Variants in CA5B observed in about 807,000 individuals in gnomAD.
The protein encoded by CA5B is carbonic anhydrase 5B.
A neutral mutation model predicts 23.1 loss-of-function variants in CA5B; 15 were observed. The observed-to-expected ratio is 0.65, with a 90% confidence interval of 0.43 to 1.00. CA5B has a LOEUF of 1.00. CA5B is among the 50% of genes least tolerant of loss of function. The pLI, the probability that CA5B is intolerant of heterozygous loss-of-function variation, is 0.00. For missense variants in CA5B, 236 were observed against 252.2 expected (o/e 0.94, Z 0.43); for synonymous variants, 84 against 98.5 (o/e 0.85, Z 0.87).
In CA5B at chrX:15,766,908, C is replaced by G. The variant is rs1356038; in HGVS notation, c.340+2133C>G. On this transcript the variant is annotated intron_variant, in intron 3 of 7. Transcript: ENST00000318636. ...CATCTTTCTTAATTTCCCCAAAACT[C>G]TAGAGTGTGCCCCCTTCTCAACTGG... The G allele has an allele frequency of 9.1e-6, 3 of 331,290 alleles. No homozygotes were observed. The Admixed American group carries it at 9.4e-5, about 10-fold the overall frequency. 27.3% of individuals were successfully genotyped at this position (331,290 alleles called of 1,213,427 possible).
rs760346701 is a variant in CA5B at position 15,772,582 on chromosome X, C to A, written c.427C>A (p.His143Asn). Reference protein sequence around the residue: ...WGAIDAWGSEHTVDSKCFPAE... With the variant: ...WGAIDAWGSENTVDSKCFPAE... Reference sequence around the variant, plus strand: ...GGCCATCGATGCCTGGGGTTCTGAGCACACCGTGGACAGCAAATGCTTCCC... The same window carrying A: ...GGCCATCGATGCCTGGGGTTCTGAGAACACCGTGGACAGCAAATGCTTCCC... Residue 143 changes from histidine (H) to asparagine (N), a missense_variant, in exon 4 of 8, where the codon CAC (histidine) becomes AAC (asparagine). By Grantham distance (68) the His-to-Asn change is moderately conservative. Transcript: ENST00000318636. 1 of 1,200,834 alleles carries A rather than the reference C, an allele frequency of 8.3e-7. No individual in the cohort carries two copies. The highest frequency in any genetic ancestry group is 3.0e-5 in the East Asian group (1 of 33,734).
chrX:15,780,929 G>A (rs775391438), intron 7 of CA5B, among the ~76,000 whole-genome samples: 22 of 111,769 alleles, frequency 2.0e-4, no homozygotes, highest in African/African-American at 6.8e-4. Flanking sequence ...GATTGAATGA[G>A]GGGAAATGTG....
At chrX:15,763,627 C>T (rs1439664076) in intron 2 of CA5B, among the ~76,000 whole-genome samples, 1 of 112,158 alleles carries the variant, frequency 8.9e-6, no homozygotes, top group African/African-American at 3.2e-5. Context: ...GGTCAGGGTT[C>T]TCCAGAAGCA....
rs760282694 is a variant in CA5B at position 15,782,437 on chromosome X, AGCG to A, written c.775-47_775-45del. On this transcript the variant is annotated intron_variant, in intron 7 of 7. Transcript: ENST00000318636. ...TGAAAGTAATTTATTCACGAGGTAA[AGCG>A]AGTTTTCTGTTGAAATTATTTATGC... is the stretch of plus-strand genomic sequence containing the variant. 1.0e-5 allele frequency: 11 copies of A among 1,095,762 alleles called. No individual in the cohort carries two copies. In the South Asian group the frequency reaches 2.1e-4, roughly 21 times the overall value. The allele number at this position is 1,095,762 out of a possible 1,213,427, so 90.3% of individuals were successfully genotyped here.
At chrX:15,772,437 C>A in intron 3 of CA5B, 59 bp from the exon 4 acceptor site, 1 of 786,454 alleles carries the variant, frequency 1.3e-6, no homozygotes, top group Non-Finnish European at 1.9e-6. Flanking sequence ...TGGCCTTTCA[C>A]CCACATTCCT....
intron 1 of CA5B, chrX:15,745,780 G>A (rs1310976974): frequency 9.0e-6 from 1 of 110,824 alleles, no homozygotes; most frequent in Non-Finnish European, 1.9e-5. Context: ...TTTATCAGAG[G>A]GAATCCTGAT....
intron 2 of CA5B, among the ~76,000 whole-genome samples, chrX:15,752,033 A>G (rs1423326263): frequency 8.9e-6 from 1 of 112,057 alleles, no homozygotes; most frequent in African/African-American, 3.2e-5. Context: ...TGAGCCAAAT[A>G]TGAGTGACTG....
At chrX:15,772,963 A>G (rs1009140104) in intron 4 of CA5B, among the ~76,000 whole-genome samples, 3 of 111,530 alleles carry the variant, frequency 2.7e-5, no homozygotes, top group African/African-American at 6.5e-5. Context: ...GGCAATAGAA[A>G]TAGAGAAAAA....
intron 6 of CA5B, chrX:15,776,210 G>C (rs1043201385): frequency 1.3e-4 from 17 of 127,953 alleles, no homozygotes; most frequent in Non-Finnish European, 2.4e-4. Context: ...ATGGTGGCGG[G>C]CGCCTGTAGT....
Position 15,783,929 on chromosome X carries a change from C to T in CA5B, c.*1265C>T, listed in dbSNP as rs1932069161. 1.0e-5 allele frequency: 1 copy of T among 99,320 alleles called. No individual in the cohort carries two copies. Among genetic ancestry groups the T allele is most frequent in the Non-Finnish European group, 2.1e-5 (1 of 48,685 alleles). 8.2% of individuals were successfully genotyped at this position (99,320 alleles called of 1,213,427 possible). ...TTGAGATGGAGTCTCGCTCTGTCCC[C>T]CAGGCTGGAGTGCAGTGGCACTATC... On this transcript the variant is annotated 3_prime_UTR_variant, in exon 8 of 8. Coordinates refer to ENST00000318636, the MANE Select transcript of CA5B (RefSeq NM_007220.4).
chrX:15,748,553 C>T (rs771802612), intron 1 of CA5B, among the ~76,000 whole-genome samples: 33 of 111,111 alleles, frequency 3.0e-4, no homozygotes, highest in African/African-American at 1.1e-3. Context: ...ATACATGCTC[C>T]GTTCAAAAAT....
At chrX:15,758,030 G>A (rs1931529595) in intron 2 of CA5B, among the ~76,000 whole-genome samples, 1 of 111,560 alleles carries the variant, frequency 9.0e-6, no homozygotes. Flanking sequence ...AAGAGGCTTT[G>A]TATGAAGTCT....
chrX:15,750,668 C>G (rs1008842925), intron 2 of CA5B, among the ~76,000 whole-genome samples: 3 of 111,995 alleles, frequency 2.7e-5, no homozygotes, highest in African/African-American at 9.7e-5. Context: ...CTGGAATATT[C>G]TGTCCTGAGT....
rs564024208 is a variant in CA5B at position 15,770,892 on chromosome X, C to T, written c.341-1604C>T. Among the ~76,000 whole-genome samples, 26 of 109,747 alleles carry T rather than the reference C, an allele frequency of 2.4e-4. No individual in the cohort carries two copies. The South Asian group carries it at 7.5e-3, about 32-fold the overall frequency. On this transcript the variant is annotated intron_variant, in intron 3 of 7. Coordinates refer to ENST00000318636, the MANE Select transcript of CA5B (RefSeq NM_007220.4). Reference sequence around the variant, plus strand: ...ACACCATTCTCCTGCGTCAGCCTCCCGAGGAGCTGGGACTACAGGCACCCG... The same window carrying T: ...ACACCATTCTCCTGCGTCAGCCTCCTGAGGAGCTGGGACTACAGGCACCCG...
chrX:15,750,298 T>A (rs1303146034), intron 2 of CA5B, 133 bp downstream of exon 2: 2 of 497,203 alleles, frequency 4.0e-6, no homozygotes, highest in African/African-American at 4.7e-5. Flanking sequence ...CTCATCTTTA[T>A]AATAATCACA....
chrX:15,762,200 G>A (rs1931616273), intron 2 of CA5B, among the ~76,000 whole-genome samples: 1 of 108,739 alleles, frequency 9.2e-6, no homozygotes, highest in African/African-American at 3.4e-5. Context: ...AACCCAGGAG[G>A]CGGAGGTTGC....
intron 3 of CA5B, among the ~76,000 whole-genome samples, chrX:15,771,289 T>A (rs1336951643): frequency 3.8e-5 from 4 of 104,168 alleles, no homozygotes; most frequent in Non-Finnish European, 7.9e-5. Flanking sequence ...GAGGATGGCT[T>A]GAGCCCAGGA....
intron 2 of CA5B, 68 bp downstream of exon 2, chrX:15,750,233 C>G (rs1931329605): frequency 3.4e-6 from 3 of 891,399 alleles, no homozygotes; most frequent in Middle Eastern, 2.9e-4. Context: ...GAAATCTCAT[C>G]TCTTAGAAAA....
At chrX:15,756,450 C>T (rs912664782) in intron 2 of CA5B, among the ~76,000 whole-genome samples, 1 of 112,836 alleles carries the variant, frequency 8.9e-6, no homozygotes, top group African/African-American at 3.2e-5. Flanking sequence ...CACAGATTAC[C>T]TGAGGAATGG....
Sources: gnomAD v4.1 joint callset for allele counts (sites outside exome capture counted in the v4.1 genomes callset) on GRCh38, gnomAD v4.1.1 for gene constraint, MANE v1.5 for transcripts, NCBI Gene and HGNC (gene_info 2026-07-23, HGNC 2026-07-21) for gene names.